Variants in TMEM178B observed in about 807,000 individuals in gnomAD.
The protein encoded by TMEM178B is transmembrane protein 178B.
A neutral mutation model predicts 31.0 loss-of-function variants in TMEM178B; 5 were observed. The observed-to-expected ratio is 0.16, with a 90% CI of 0.08 to 0.34. The LOEUF (loss-of-function observed/expected upper bound fraction) is 0.34, where lower values mean the gene tolerates loss of function less well. Among genes scored for constraint, TMEM178B ranks in the 10% least tolerant of loss-of-function variants. The pLI is 1.00. For synonymous variants in TMEM178B, 164 were observed against 164.0 expected (o/e 1.00, Z 0.00); for missense variants, 275 against 400.3 (o/e 0.69, Z 2.67).
At chr7:141,392,719 T>C (rs10265432) in intron 2 of TMEM178B, among the ~76,000 whole-genome samples, 40,049 of 151,710 alleles carry the variant, frequency 0.26, 5,596 homozygotes, top group African/African-American at 0.32. Flanking sequence ...CTCTATCCAG[T>C]AGCTAAAAGG....
chr7:141,373,078 G>C (rs543131821), intron 2 of TMEM178B, among the ~76,000 whole-genome samples: 1 of 152,248 alleles, frequency 6.6e-6, no homozygotes, highest in African/African-American at 2.4e-5. Context: ...TCTGAACCTT[G>C]GTCACTTTAT....
At chr7:141,286,218 G>C (rs1226441613) in intron 2 of TMEM178B, among the ~76,000 whole-genome samples, 1 of 152,076 alleles carries the variant, frequency 6.6e-6, no homozygotes, top group South Asian at 2.1e-4. Flanking sequence ...CAGAACATAT[G>C]CATTTTTACT....
At chr7:141,241,406 A>G (rs887975377) in intron 2 of TMEM178B, among the ~76,000 whole-genome samples, 1 of 151,976 alleles carries the variant, frequency 6.6e-6, no homozygotes, top group Non-Finnish European at 1.5e-5. Context: ...AGCCTGGCCA[A>G]CATGGTGAAA....
At chr7:141,339,758 G>A (rs893083863) in intron 2 of TMEM178B, among the ~76,000 whole-genome samples, 2 of 152,204 alleles carry the variant, frequency 1.3e-5, no homozygotes, top group African/African-American at 2.4e-5. Flanking sequence ...TCTAAGCTGG[G>A]GGAGAATGTA....
At chr7:141,443,943 A>G (rs1801707291) in intron 3 of TMEM178B, among the ~76,000 whole-genome samples, 1 of 152,168 alleles carries the variant, frequency 6.6e-6, no homozygotes, top group Admixed American at 6.5e-5. Flanking sequence ...AGCTTTGGCC[A>G]TTGGGAGAGC....
intron 2 of TMEM178B, among the ~76,000 whole-genome samples, chr7:141,254,430 A>G (rs1305724085): frequency 1.3e-5 from 2 of 151,986 alleles, no homozygotes; most frequent in Admixed American, 6.6e-5. Flanking sequence ...AAGCTTGTTT[A>G]CTGCTGGCCA....
intron 2 of TMEM178B, among the ~76,000 whole-genome samples, chr7:141,310,848 G>A (rs1019176370): frequency 1.2e-4 from 19 of 152,102 alleles, no homozygotes; most frequent in African/African-American, 3.6e-4. Context: ...ATACATGCAC[G>A]CGTATGTTCA....
intron 2 of TMEM178B, among the ~76,000 whole-genome samples, chr7:141,323,754 A>G (rs1379514783): frequency 2.6e-5 from 4 of 152,210 alleles, no homozygotes; most frequent in South Asian, 2.1e-4. Context: ...TTTATATTCT[A>G]CTATGAGACA....
At chr7:141,452,911 T>G (rs1377101588) in intron 3 of TMEM178B, among the ~76,000 whole-genome samples, 1 of 152,222 alleles carries the variant, frequency 6.6e-6, no homozygotes, top group Non-Finnish European at 1.5e-5. Context: ...GTCCCCAGCC[T>G]GGGGTTGAAT....
At chr7:141,115,707 G>C (rs909896653) in intron 1 of TMEM178B, among the ~76,000 whole-genome samples, 2 of 152,260 alleles carry the variant, frequency 1.3e-5, no homozygotes, top group Admixed American at 1.3e-4. Context: ...CTAGAAGCAA[G>C]GATCCCTGGG....
chr7:141,108,481 A>T lies in TMEM178B; in HGVS notation c.382+33789A>T, dbSNP rs139723504. 1.6e-4 allele frequency among the ~76,000 whole-genome samples: 25 copies of T among 152,314 alleles called. No homozygotes were observed. In the East Asian group the frequency reaches 3.1e-3, roughly 19 times the overall value. ...CATGGTTAGACTCGTGCTGTTAGGT[A>T]GACAGATGTGGTACTGGGAGTTTGT... On this transcript the variant is annotated intron_variant, in intron 1 of 3. Transcript: ENST00000565468.
chr7:141,282,530 A>G (rs1485973656), intron 2 of TMEM178B, among the ~76,000 whole-genome samples: 3 of 152,250 alleles, frequency 2.0e-5, no homozygotes, highest in Non-Finnish European at 4.4e-5. Flanking sequence ...AACTTTGAAG[A>G]GGCAATGCCT....
chr7:141,213,017 A>G lies in TMEM178B; in HGVS notation c.496+313A>G, dbSNP rs1450282594. On this transcript the variant is annotated intron_variant, in intron 2 of 3. Transcript: ENST00000565468. Reference sequence around the variant, plus strand: ...AGATTTCACCTACCTGACTGAACCAACTCTTGGGATTTATTAATAATTCCA... The same window carrying G: ...AGATTTCACCTACCTGACTGAACCAGCTCTTGGGATTTATTAATAATTCCA... Among the ~76,000 whole-genome samples, 8 of 152,148 alleles carry G rather than the reference A, an allele frequency of 5.3e-5. No homozygotes were observed. In the East Asian group the frequency reaches 1.5e-3, roughly 29 times the overall value.
chr7:141,076,007 AATCT>A lies in TMEM178B; in HGVS notation c.382+1320_382+1323del, dbSNP rs369761540. ...TTAGGTGAGGTGGCTTCAGAGACAG[AATCT>A]ATCTGTTTGTTTTATAGCTTCTTTA... On this transcript the variant is annotated intron_variant, in intron 1 of 3. Transcript: ENST00000565468. Among the ~76,000 whole-genome samples the A allele has an allele frequency of 5.6e-3, 847 of 152,328 alleles. 7 individuals are homozygous for A. The highest frequency in any genetic ancestry group is 0.019 in the African/African-American group (803 of 41,568).
At chr7:141,222,739 G>A (rs1428919210) in intron 2 of TMEM178B, among the ~76,000 whole-genome samples, 1 of 152,182 alleles carries the variant, frequency 6.6e-6, no homozygotes, top group Non-Finnish European at 1.5e-5. Flanking sequence ...AGTGTTGGGG[G>A]TTTGCTGTCT....
Position 141,470,744 on chromosome 7 carries a change from C to A in TMEM178B, c.843C>A (p.Thr281=), listed in dbSNP as rs2116730675. The part of the protein sequence containing the change: ...LAPSVQPVPR[T]NYPKSRPENG... ...CTTCTGTTCAACCTGTCCCGAGGAC[C>A]AACTACCCTAAATCCAGACCCGAGA... Residue 281 remains threonine, a synonymous_variant, in exon 4 of 4, where the codon ACC becomes ACA. Coordinates refer to ENST00000565468, the MANE Select transcript of TMEM178B (RefSeq NM_001195278.2). 5 of 1,531,530 alleles carry A rather than the reference C, an allele frequency of 3.3e-6. No individual in the cohort carries two copies. In the South Asian group the frequency reaches 6.0e-5, roughly 18 times the overall value. The allele number at this position is 1,531,530 out of a possible 1,614,324, so 94.9% of individuals were successfully genotyped here. A position where few individuals can be genotyped will look rare whatever the true frequency, so the allele number is the denominator to read the frequency against.
chr7:141,227,536 A>G lies in TMEM178B; in HGVS notation c.496+14832A>G, dbSNP rs142620733. On this transcript the variant is annotated intron_variant, in intron 2 of 3. Transcript: ENST00000565468. ...GACAGAGGAGGAAACTGAGGCTAAC[A>G]GAGGTTAAATAACTCACAGAAGAGC... Among the ~76,000 whole-genome samples, 517 of 152,360 alleles carry G rather than the reference A, an allele frequency of 3.4e-3. 6 individuals are homozygous for G. The highest frequency in any genetic ancestry group is 0.012 in the African/African-American group (479 of 41,596).
At position 141,318,071 on chromosome 7, in the gene TMEM178B, TA is replaced by T. The variant is rs755523041; in HGVS notation, c.496+105369del. On this transcript the variant is annotated intron_variant, in intron 2 of 3. Transcript: ENST00000565468. This position sits in a 1 kb window ranked among gnomAD's most constrained non-coding sequence, Gnocchi z 4.1. ...ATTTTAAATGAAAACAATTATTGAA[TA>T]AGCTTTCTTTTCAGATCTTGTGGTA... Among the ~76,000 whole-genome samples, 2 of 152,340 alleles carry T rather than the reference TA, an allele frequency of 1.3e-5. No individual in the cohort carries two copies. Among genetic ancestry groups the T allele is most frequent in the East Asian group, 3.9e-4 (2 of 5,192 alleles).
At chr7:141,266,470 T>C (rs1388848890) in intron 2 of TMEM178B, among the ~76,000 whole-genome samples, 1 of 152,188 alleles carries the variant, frequency 6.6e-6, no homozygotes, top group African/African-American at 2.4e-5. Context: ...AGCTGTTTGT[T>C]CTGGAAAACC....
Sources: gnomAD v4.1 joint callset for allele counts (sites outside exome capture counted in the v4.1 genomes callset) on GRCh38, gnomAD v4.1.1 for gene constraint, Gnocchi (gnomAD v3.1) non-coding constraint, MANE v1.5 for transcripts, NCBI Gene and HGNC (gene_info 2026-07-23, HGNC 2026-07-21) for gene names.